MANEA: variants seen among roughly 807,000 people sequenced by gnomAD.
The protein encoded by MANEA is glycoprotein endo-alpha-1,2-mannosidase.
A neutral mutation model predicts 36.8 loss-of-function variants in MANEA; 25 were observed. The ratio of observed to expected loss-of-function variants is 0.68; its 90% CI spans 0.50 to 0.95. MANEA has a LOEUF of 0.95. Among genes scored for constraint, MANEA ranks in the 40% least tolerant of loss-of-function variants. MANEA has a pLI of 0.00. For synonymous variants in MANEA, 198 were observed against 188.5 expected, an observed-to-expected ratio of 1.05 and a Z score of -0.41; for missense variants, 565 against 558.8, an observed-to-expected ratio of 1.01 and a Z score of -0.11.
In MANEA at chr6:95,607,483, A is replaced by G. The variant is rs1343642744; in HGVS notation, c.*1078A>G. ...GAGACATGGAAATGAAAATTATTTTATGTCTAGAGTAGGTCCTGAAGTTTG... is the reference window on the plus strand; with the variant it reads ...GAGACATGGAAATGAAAATTATTTTGTGTCTAGAGTAGGTCCTGAAGTTTG... On this transcript the variant is annotated 3_prime_UTR_variant, in exon 5 of 5. Transcript: ENST00000358812. The G allele has an allele frequency of 6.6e-6, 1 of 151,990 alleles. No homozygotes were observed. Among genetic ancestry groups the G allele is most frequent in the African/African-American group, 2.4e-5 (1 of 41,446 alleles). The allele number at this position is 151,990 out of a possible 1,614,324, so 9.4% of individuals were successfully genotyped here. A position where few individuals can be genotyped will look rare whatever the true frequency, so the allele number is the denominator to read the frequency against.
chr6:95,587,668 C>A (rs1196362759), intron 2 of MANEA, among the ~76,000 whole-genome samples: 1 of 152,022 alleles, frequency 6.6e-6, no homozygotes, highest in African/African-American at 2.4e-5. Flanking sequence ...TTTATATTCA[C>A]CTGTTGATAG....
chr6:95,599,630 G>A (rs1562199892), intron 3 of MANEA, among the ~76,000 whole-genome samples: 1 of 152,186 alleles, frequency 6.6e-6, no homozygotes, highest in African/African-American at 2.4e-5. Context: ...AAATAAAAAT[G>A]TGAAACATTA....
chr6:95,601,689 G>A (rs149161658), intron 3 of MANEA, among the ~76,000 whole-genome samples: 2,160 of 126,942 alleles, frequency 0.017, 20 homozygotes, highest in Middle Eastern at 0.059. Flanking sequence ...ATTCATCTAA[G>A]TAAAAGAAAA....
Position 95,596,752 on chromosome 6 carries a change from C to A in MANEA, c.560C>A (p.Ser187Tyr), listed in dbSNP as rs767646121. The A allele has an allele frequency of 6.3e-7, 1 of 1,597,910 alleles. No homozygotes were observed. Among genetic ancestry groups the A allele is most frequent in the Non-Finnish European group, 8.6e-7 (1 of 1,165,690 alleles). The change falls in exon 3 of 5, where the codon TCT becomes TAT. Residue 187 changes from serine (S) to tyrosine (Y), a missense_variant. Transcript: ENST00000358812. ...RSASIGVLAL[S>Y]WYPPDVNDEN... ...TTTCTATTAGGTGTACTAGCCCTCT[C>A]TTGGTACCCACCTGATGTAAATGAT...
intron 2 of MANEA, among the ~76,000 whole-genome samples, chr6:95,591,390 C>G (rs558689677): frequency 1.3e-5 from 2 of 152,064 alleles, no homozygotes; most frequent in Admixed American, 1.3e-4. Flanking sequence ...AAAATGTATT[C>G]CATTTCTTTT....
chr6:95,597,606 T>C (rs988524350), intron 3 of MANEA, among the ~76,000 whole-genome samples: 20 of 152,038 alleles, frequency 1.3e-4, no homozygotes, highest in Admixed American at 6.6e-5. Context: ...CCACATTCAG[T>C]ACCATGGAAT....
Position 95,593,728 on chromosome 6 carries a change from G to T in MANEA, c.545-3009G>T, listed in dbSNP as rs377009329. 3.3e-5 allele frequency among the ~76,000 whole-genome samples: 5 copies of T among 152,048 alleles called. No homozygotes were observed. In the South Asian group the frequency reaches 1.0e-3, roughly 32 times the overall value. The stretch of plus-strand genomic sequence containing the variant: ...AGCTTGAGGAAGAGAGTAAAGAAAT[G>T]GTGGAATGGAGATGATAGTATAAAG... On this transcript the variant is annotated intron_variant, in intron 2 of 4. Transcript: ENST00000358812.
intron 2 of MANEA, among the ~76,000 whole-genome samples, chr6:95,587,956 TATA>T (rs1329133853): frequency 6.6e-6 from 1 of 152,102 alleles, no homozygotes; most frequent in Non-Finnish European, 1.5e-5. Flanking sequence ...TTGTTTTATT[TATA>T]ACTGTACCTT....
At chr6:95,595,131 CTGT>C (rs1195335628) in intron 2 of MANEA, among the ~76,000 whole-genome samples, 1 of 152,012 alleles carries the variant, frequency 6.6e-6, no homozygotes, top group Non-Finnish European at 1.5e-5. Context: ...CATAATCTTT[CTGT>C]TGTTTAATAT....
At position 95,606,907 on chromosome 6, in the gene MANEA, A is replaced by T. The variant is rs769805413; in HGVS notation, c.*502A>T. The T allele has an allele frequency of 6.6e-6, 1 of 152,170 alleles. No individual in the cohort carries two copies. Among genetic ancestry groups the T allele is most frequent in the African/African-American group, 2.4e-5 (1 of 41,452 alleles). The allele number at this position is 152,170 out of a possible 1,614,324, so 9.4% of individuals were successfully genotyped here. Reference sequence around the variant, plus strand: ...TAGTATTTAGACTCTGGATAACTCTACAATAATGAGGAAATTCTTAAGAAT... The same window carrying T: ...TAGTATTTAGACTCTGGATAACTCTTCAATAATGAGGAAATTCTTAAGAAT... On this transcript the variant is annotated 3_prime_UTR_variant, in exon 5 of 5. Transcript: ENST00000358812.
intron 3 of MANEA, among the ~76,000 whole-genome samples, chr6:95,600,712 C>G: frequency 6.6e-6 from 1 of 152,100 alleles, no homozygotes; most frequent in East Asian, 1.9e-4. Flanking sequence ...CATAACTGAC[C>G]ACATCTAAAA....
At chr6:95,580,552 C>T (rs191630386) in intron 1 of MANEA, among the ~76,000 whole-genome samples, 12 of 151,752 alleles carry the variant, frequency 7.9e-5, no homozygotes, top group African/African-American at 2.9e-4. Flanking sequence ...GGTGAAACCC[C>T]ATCTCTACTA....
At chr6:95,600,414 C>T (rs1420033717) in intron 3 of MANEA, among the ~76,000 whole-genome samples, 1 of 152,112 alleles carries the variant, frequency 6.6e-6, no homozygotes, top group Non-Finnish European at 1.5e-5. Flanking sequence ...CTTGGCTTAT[C>T]CCCTTCATTT....
At chr6:95,579,826 G>T (rs564578204) in intron 1 of MANEA, among the ~76,000 whole-genome samples, 2 of 152,250 alleles carry the variant, frequency 1.3e-5, no homozygotes, top group African/African-American at 4.8e-5. Context: ...AAAAATAGAA[G>T]CTACAGGTTC....
In MANEA at chr6:95,605,900, A is replaced by G. The variant is rs2127946190; in HGVS notation, c.884A>G (p.Tyr295Cys). ...SGSRSIRNSP[Y>C]DGLFIALLVE... ...TCTCGGAGTATTCGCAATTCTCCTT[A>G]TGATGGACTGTTTATTGCCCTTCTG... Residue 295 changes from tyrosine (Y) to cysteine (C), a missense_variant, in exon 5 of 5, where the codon TAT (tyrosine) becomes TGT (cysteine). Coordinates refer to ENST00000358812, the MANE Select transcript of MANEA (RefSeq NM_024641.4). 4 of 1,614,060 alleles carry G rather than the reference A, an allele frequency of 2.5e-6. No homozygotes were observed. Among genetic ancestry groups the G allele is most frequent in the Non-Finnish European group, 3.4e-6 (4 of 1,179,988 alleles).
At chr6:95,584,901 C>G (rs1769252716) in intron 1 of MANEA, among the ~76,000 whole-genome samples, 1 of 152,082 alleles carries the variant, frequency 6.6e-6, no homozygotes, top group African/African-American at 2.4e-5. Flanking sequence ...GGATGGGTTC[C>G]CCCGATAGAA....
chr6:95,582,887 G>A (rs1417771982), intron 1 of MANEA, among the ~76,000 whole-genome samples: 5 of 152,034 alleles, frequency 3.3e-5, no homozygotes, highest in Admixed American at 1.3e-4. Flanking sequence ...ATGGTTCCTC[G>A]TGATTAGATC....
Position 95,606,430 on chromosome 6 carries a change from A to G in MANEA, c.*25A>G, listed in dbSNP as rs1358563399. 2 of 1,509,004 alleles carry G rather than the reference A, an allele frequency of 1.3e-6. No homozygotes were observed. The highest frequency in any genetic ancestry group is 2.2e-5 in the Admixed American group (1 of 46,204). 93.5% of individuals were successfully genotyped at this position (1,509,004 alleles called of 1,614,324 possible). A position where few individuals can be genotyped will look rare whatever the true frequency, so the allele number is the denominator to read the frequency against. ...ATGCATTGATTAAAGTTTAATAGTT[A>G]TCAAAATCACCTAATTTTTAAAAAT... On this transcript the variant is annotated 3_prime_UTR_variant, in exon 5 of 5. Coordinates refer to ENST00000358812, the MANE Select transcript of MANEA (RefSeq NM_024641.4).
At chr6:95,597,334 G>A (rs1769499546) in intron 3 of MANEA, among the ~76,000 whole-genome samples, 1 of 152,006 alleles carries the variant, frequency 6.6e-6, no homozygotes, top group Non-Finnish European at 1.5e-5. Flanking sequence ...AGAAATTAAT[G>A]TGTGTTGCAA....
Sources: allele counts gnomAD v4.1 joint callset (sites outside exome capture counted in the v4.1 genomes callset), GRCh38; gene constraint gnomAD v4.1.1; transcripts MANE v1.5; gene names NCBI Gene and HGNC (gene_info 2026-07-23, HGNC 2026-07-21).